The following CUX2 variants were observed in gnomAD, a reference collection of about 807,000 sequenced individuals.
CUX2 encodes the protein homeobox protein cut-like 2.
In CUX2, 40 loss-of-function variants were observed where a neutral mutation model predicts 144.8. That is an observed-to-expected ratio of 0.28 (90% CI 0.21 to 0.36). The LOEUF is 0.36. CUX2 is among the 10% of genes least tolerant of loss of function. CUX2 has a pLI of 1.00. For synonymous variants in CUX2, 827 were observed against 875.6 expected, an observed-to-expected ratio of 0.94 and a Z score of 0.98; for missense variants, 1,615 against 1,994.0, an observed-to-expected ratio of 0.81 and a Z score of 3.62.
chr12:111,235,535 A>G (rs911027931), intron 3 of CUX2, among the ~76,000 whole-genome samples: 8 of 152,090 alleles, frequency 5.3e-5, no homozygotes, highest in African/African-American at 1.7e-4. Context: ...AGCCTGATCA[A>G]CATGGTAAAA....
rs1162223299 is a variant in CUX2 at position 111,178,531 on chromosome 12, T to G, written c.64-35669T>G. 6.6e-6 allele frequency among the ~76,000 whole-genome samples: 1 copy of G among 151,996 alleles called. No individual in the cohort carries two copies. The highest frequency in any genetic ancestry group is 1.5e-5 in the Non-Finnish European group (1 of 68,010). ...TAAAACACAGAACGTGACTGAGAAC[T>G]AGAACTGGATTTGCAAGGGACCAGC... On this transcript the variant is annotated intron_variant, in intron 1 of 21. Transcript: ENST00000261726. This position sits in a 1 kb window ranked among gnomAD's most constrained non-coding sequence, Gnocchi z 5.7.
intron 1 of CUX2, among the ~76,000 whole-genome samples, chr12:111,093,607 C>T (rs1178572851): frequency 6.6e-6 from 1 of 152,168 alleles, no homozygotes; most frequent in African/African-American, 2.4e-5. Flanking sequence ...CTTCAGCTCA[C>T]CCAGGGCAGC....
chr12:111,110,747 G>A (rs1004503286), intron 1 of CUX2, among the ~76,000 whole-genome samples: 2 of 152,184 alleles, frequency 1.3e-5, no homozygotes, highest in Non-Finnish European at 2.9e-5. Context: ...AAAACAGTGC[G>A]AATCCTGAAA....
chr12:111,038,541 A>G (rs1259398910), intron 1 of CUX2, among the ~76,000 whole-genome samples: 3 of 152,228 alleles, frequency 2.0e-5, no homozygotes, highest in Admixed American at 2.0e-4. Flanking sequence ...GGGTGACCCC[A>G]TTCCCTCTGC....
At chr12:111,329,653 C>T (rs373151357) in intron 18 of CUX2, among the ~76,000 whole-genome samples, 14 of 152,022 alleles carry the variant, frequency 9.2e-5, no homozygotes, top group African/African-American at 2.4e-4. Flanking sequence ...TGTTTGTTTT[C>T]GAGGTGGAGT....
intron 1 of CUX2, among the ~76,000 whole-genome samples, chr12:111,209,090 G>T (rs1173388476): frequency 1.3e-5 from 2 of 152,148 alleles, no homozygotes; most frequent in Non-Finnish European, 2.9e-5. Flanking sequence ...AGTACTCTAG[G>T]GAGTTTTCAC....
rs1885800969 is a variant in CUX2, at chr12:111,293,454, G to A, written c.445G>A (p.Glu149Lys). Residue 149 changes from glutamate to lysine, a missense_variant, in exon 6 of 22, where the codon GAG becomes AAG. Around this residue, in one of 12 missense-constraint regions of CUX2, gnomAD observed 295 missense variants for 400.2 expected, o/e 0.74. Transcript: ENST00000261726. This position sits in a 1 kb window ranked among gnomAD's most constrained non-coding sequence, Gnocchi z 4.5. ...PELLSPKEQR[E>K]GTSPAGPTLT... is the part of the protein sequence containing the mutation. ...TCTTTTTCTCCCTGCAGAGCAGAGA[G>A]AGGGGACGTCGCCTGCCGGGCCCAC... 1 of 1,608,384 alleles carries A rather than the reference G, an allele frequency of 6.2e-7. No homozygotes were observed. The highest frequency in any genetic ancestry group is 8.5e-7 in the Non-Finnish European group (1 of 1,178,280).
intron 3 of CUX2, among the ~76,000 whole-genome samples, chr12:111,250,372 G>A (rs1411417091): frequency 6.6e-6 from 1 of 152,110 alleles, no homozygotes; most frequent in East Asian, 1.9e-4. Context: ...CCCCTCGTGT[G>A]TGTATATTGG....
At chr12:111,299,902 A>C (rs1370604711) in intron 9 of CUX2, among the ~76,000 whole-genome samples, 1 of 152,128 alleles carries the variant, frequency 6.6e-6, no homozygotes, top group African/African-American at 2.4e-5. Context: ...CAAGGGGGAC[A>C]GGGTCATACT....
intron 18 of CUX2, among the ~76,000 whole-genome samples, chr12:111,331,500 T>C (rs747349980): frequency 9.2e-5 from 14 of 152,036 alleles, no homozygotes; most frequent in Non-Finnish European, 2.1e-4. Context: ...CTCCCACCTT[T>C]CCTGGTTTCT....
rs58553050 is a variant in CUX2, at chr12:111,039,071, A to G, written c.63+4831A>G. Reference sequence around the variant, plus strand: ...GATTTCAAACGTGAGCACCTTGGCTAGTGCTAAATATATGGTCCTGGATGA... The same window carrying G: ...GATTTCAAACGTGAGCACCTTGGCTGGTGCTAAATATATGGTCCTGGATGA... On this transcript the variant is annotated intron_variant, in intron 1 of 21. Coordinates refer to ENST00000261726, the MANE Select transcript of CUX2 (RefSeq NM_015267.4). This position sits in a 1 kb window ranked among gnomAD's most constrained non-coding sequence, Gnocchi z 4.2. 0.075 allele frequency among the ~76,000 whole-genome samples: 11,439 copies of G among 152,010 alleles called. 1,422 individuals are homozygous for G. The highest frequency in any genetic ancestry group is 0.26 in the African/African-American group (10,826 of 41,392).
chr12:111,104,166 A>T (rs1592898876), intron 1 of CUX2, among the ~76,000 whole-genome samples: 1 of 151,960 alleles, frequency 6.6e-6, no homozygotes, highest in East Asian at 1.9e-4. Context: ...CATCTTTTTT[A>T]TGTCTTCTAA....
At chr12:111,129,807 G>A (rs1411446589) in intron 1 of CUX2, among the ~76,000 whole-genome samples, 1 of 152,200 alleles carries the variant, frequency 6.6e-6, no homozygotes, top group African/African-American at 2.4e-5. Context: ...CCACAGGTCA[G>A]GCATCCAGTG....
chr12:111,102,032 G>A (rs113709101), intron 1 of CUX2, among the ~76,000 whole-genome samples: 126 of 152,256 alleles, frequency 8.3e-4, no homozygotes, highest in African/African-American at 2.9e-3. Flanking sequence ...ACGTCCTGTC[G>A]GCACACAATA....
intron 1 of CUX2, among the ~76,000 whole-genome samples, chr12:111,117,308 T>G (rs73413561): frequency 0.015 from 2,310 of 152,334 alleles, 52 homozygotes; most frequent in African/African-American, 0.052. Context: ...ATATGGGCAG[T>G]GGACTTGGCT....
intron 1 of CUX2, among the ~76,000 whole-genome samples, chr12:111,049,147 A>G (rs1416718075): frequency 6.6e-6 from 1 of 151,880 alleles, no homozygotes; most frequent in Non-Finnish European, 1.5e-5. Flanking sequence ...CCATCCATGA[A>G]TCCTTCCATC....
At chr12:111,087,580 A>C (rs917509995) in intron 1 of CUX2, among the ~76,000 whole-genome samples, 5 of 152,202 alleles carry the variant, frequency 3.3e-5, no homozygotes, top group African/African-American at 4.8e-5. Context: ...ATCATTAATC[A>C]GAGAATGCTT....
chr12:111,214,445 G>A (rs568994636), intron 2 of CUX2, 135 bp downstream of exon 2: 20 of 569,712 alleles, frequency 3.5e-5, no homozygotes, highest in East Asian at 2.3e-4. Flanking sequence ...AAAAATGACA[G>A]CCCCTAACCT....
At chr12:111,270,176 C>T (rs1884571350) in intron 4 of CUX2, 1 of 152,036 alleles carries the variant, frequency 6.6e-6, no homozygotes, top group South Asian at 2.1e-4. Flanking sequence ...AAAAATAACA[C>T]TCCTGGAAAA....
Sources: gnomAD v4.1 joint callset for allele counts (sites outside exome capture counted in the v4.1 genomes callset) on GRCh38, gnomAD v4.1.1 for gene constraint, gnomAD v4.1.1 regional missense constraint, Gnocchi (gnomAD v3.1) non-coding constraint, MANE v1.5 for transcripts, NCBI Gene and HGNC (gene_info 2026-07-23, HGNC 2026-07-21) for gene names.